The following KLF12 variants were observed in gnomAD, a reference collection of about 807,000 sequenced individuals.
The protein encoded by KLF12 is KLF transcription factor 12.
A neutral mutation model predicts 37.8 loss-of-function variants in KLF12; 9 were observed. The ratio of observed to expected loss-of-function variants is 0.24; its 90% CI spans 0.14 to 0.42. The LOEUF is 0.42. Ranked by LOEUF, KLF12 falls within the 10% of genes least tolerant of loss-of-function variation. KLF12 has a pLI of 1.00. For missense variants in KLF12, 411 were observed against 516.0 expected (o/e 0.80, Z 1.97); for synonymous variants, 208 against 202.1 (o/e 1.03, Z -0.25).
the KLF12 span, among the ~76,000 whole-genome samples, chr13:74,200,949 G>A: frequency 6.6e-6 from 1 of 151,928 alleles, no homozygotes; most frequent in Non-Finnish European, 1.5e-5. Context: ...TTATTCTATG[G>A]CACTAGAAAT....
rs933888328 is a variant in KLF12 at position 74,071,523 on chromosome 13, A to T, written c.-32+62216T>A. 1.4e-3 allele frequency among the ~76,000 whole-genome samples: 7 copies of T among 5,134 alleles called. No homozygotes were observed. The South Asian group carries it at 0.25, about 183-fold the overall frequency. 3.4% of individuals were successfully genotyped at this position (5,134 alleles called of 152,430 possible). On this transcript the variant is annotated intron_variant, in intron 1 of 7. Coordinates refer to ENST00000377669, the MANE Select transcript of KLF12 (RefSeq NM_007249.5). ...AACACAGTGAAACCCCGTCTCTACT[A>T]AAAAAAAAAATACAAAAAAATTAGC...
chr13:74,021,690 G>A (rs539733924), intron 1 of KLF12, among the ~76,000 whole-genome samples: 1 of 152,248 alleles, frequency 6.6e-6, no homozygotes, highest in East Asian at 1.9e-4. Context: ...TTTTATTCAG[G>A]AAGTCGCTTG....
chr13:74,027,996 A>G (rs1237814708), intron 1 of KLF12, among the ~76,000 whole-genome samples: 2 of 152,234 alleles, frequency 1.3e-5, no homozygotes, highest in Non-Finnish European at 1.5e-5. Flanking sequence ...AAAAAATGAG[A>G]TATCACTTAA....
chr13:73,728,747 G>T (rs2137788551), intron 6 of KLF12, among the ~76,000 whole-genome samples: 1 of 152,248 alleles, frequency 6.6e-6, no homozygotes, highest in Non-Finnish European at 1.5e-5. Context: ...TCGTTTCTGG[G>T]GTAAGTCCCC....
chr13:74,188,650 C>T, the KLF12 span, among the ~76,000 whole-genome samples: 1 of 152,036 alleles, frequency 6.6e-6, no homozygotes, highest in African/African-American at 2.4e-5. Context: ...TTCCTCTAAA[C>T]TAACATTTTA....
chr13:74,126,879 A>G (rs1877970822), intron 1 of KLF12, among the ~76,000 whole-genome samples: 1 of 152,242 alleles, frequency 6.6e-6, no homozygotes, highest in Non-Finnish European at 1.5e-5. Flanking sequence ...GGCTACCAGT[A>G]CCTGTTTACT....
intron 3 of KLF12, among the ~76,000 whole-genome samples, chr13:73,878,635 A>G (rs1010520935): frequency 1.3e-5 from 2 of 152,206 alleles, no homozygotes; most frequent in African/African-American, 2.4e-5. Context: ...TTCCTAAAAA[A>G]GAGATTTTTC....
chr13:73,690,821 T>G lies in KLF12; in HGVS notation c.*4669A>C, dbSNP rs985675460. ...GTGAGTTTGAAAATACTTTTTCCAC[T>G]ATCACATATGTTACGAATACAGTAA... On this transcript the variant is annotated 3_prime_UTR_variant, in exon 8 of 8. Transcript: ENST00000377669. 1.3e-5 allele frequency: 2 copies of G among 152,644 alleles called. No individual in the cohort carries two copies. The highest frequency in any genetic ancestry group is 2.9e-5 in the Non-Finnish European group (2 of 68,024). 9.5% of individuals were successfully genotyped at this position (152,644 alleles called of 1,614,324 possible).
intron 4 of KLF12, among the ~76,000 whole-genome samples, chr13:73,833,487 T>C (rs533853609): frequency 6.6e-5 from 10 of 152,204 alleles, no homozygotes; most frequent in African/African-American, 2.2e-4. Context: ...CAGCAACAGC[T>C]TGGGGGATGG....
chr13:74,110,834 T>C (rs1413578452), intron 1 of KLF12, among the ~76,000 whole-genome samples: 1 of 152,060 alleles, frequency 6.6e-6, no homozygotes, highest in Non-Finnish European at 1.5e-5. Context: ...AGGATATGAG[T>C]ACTACATGAA....
chr13:74,216,921 T>C, the KLF12 span, among the ~76,000 whole-genome samples: 1 of 152,250 alleles, frequency 6.6e-6, no homozygotes, highest in Non-Finnish European at 1.5e-5. Flanking sequence ...ATATTAATTA[T>C]CAAGTTAAGA....
At chr13:74,072,137 T>C (rs1221633020) in intron 1 of KLF12, among the ~76,000 whole-genome samples, 3 of 151,982 alleles carry the variant, frequency 2.0e-5, no homozygotes, top group African/African-American at 7.2e-5. Flanking sequence ...GGCAGATCAA[T>C]GCCATTTGGC....
intron 1 of KLF12, among the ~76,000 whole-genome samples, chr13:74,013,016 G>A (rs913458186): frequency 1.3e-5 from 2 of 152,258 alleles, no homozygotes; most frequent in African/African-American, 2.4e-5. Flanking sequence ...AAGAATACCC[G>A]CCTGGTAAAG....
chr13:74,243,893 A>G, the KLF12 span, among the ~76,000 whole-genome samples: 1 of 152,242 alleles, frequency 6.6e-6, no homozygotes, highest in Non-Finnish European at 1.5e-5. Context: ...CGACACTAGC[A>G]CACAATTTTG....
At chr13:73,789,274 T>C (rs1269907492) in intron 5 of KLF12, among the ~76,000 whole-genome samples, 3 of 152,200 alleles carry the variant, frequency 2.0e-5, no homozygotes, top group African/African-American at 7.2e-5. Flanking sequence ...ACCTTCTCCA[T>C]GTTATCTGGA....
chr13:74,062,647 T>C (rs1388537543), intron 1 of KLF12, among the ~76,000 whole-genome samples: 5 of 152,258 alleles, frequency 3.3e-5, no homozygotes, highest in Admixed American at 3.3e-4. Context: ...TGCAGCATGA[T>C]ATTCAATTTG....
At chr13:74,181,991 C>G in the KLF12 span, among the ~76,000 whole-genome samples, 1 of 152,228 alleles carries the variant, frequency 6.6e-6, no homozygotes, top group South Asian at 2.1e-4. Context: ...ATAGATACGT[C>G]TTTTCAGTTA....
At chr13:74,091,164 G>A (rs1875635130) in intron 1 of KLF12, among the ~76,000 whole-genome samples, 1 of 152,086 alleles carries the variant, frequency 6.6e-6, no homozygotes, top group Admixed American at 6.6e-5. Flanking sequence ...TCAGATAACT[G>A]GAAATCCACA....
rs1431302813 is a variant in KLF12 at position 73,687,797 on chromosome 13, T to C, written c.*7693A>G. 1.3e-5 allele frequency: 2 copies of C among 152,196 alleles called. No individual in the cohort carries two copies. The highest frequency in any genetic ancestry group is 2.9e-5 in the Non-Finnish European group (2 of 68,030). The allele number at this position is 152,196 out of a possible 1,614,324, so 9.4% of individuals were successfully genotyped here. ...ATAATTCACACAAGGAGTCCATTCA[T>C]TGGTTCTCGCCTTGCACAAAGGGTG... On this transcript the variant is annotated 3_prime_UTR_variant, in exon 8 of 8. Coordinates refer to ENST00000377669, the MANE Select transcript of KLF12 (RefSeq NM_007249.5).
Sources: gnomAD v4.1 joint callset for allele counts (sites outside exome capture counted in the v4.1 genomes callset) on GRCh38, gnomAD v4.1.1 for gene constraint, MANE v1.5 for transcripts, NCBI Gene and HGNC (gene_info 2026-07-23, HGNC 2026-07-21) for gene names.